CNOT1: variants seen among roughly 807,000 people sequenced by gnomAD.
The protein encoded by CNOT1 is CCR4-NOT transcription complex subunit 1.
Under a neutral mutation model 273.8 loss-of-function variants are expected in CNOT1, and 15 were observed. The observed-to-expected ratio is 0.05, with a 90% CI of 0.04 to 0.08. The LOEUF is 0.08. Among genes scored for constraint, CNOT1 ranks in the 10% least tolerant of loss-of-function variants. The pLI is 1.00. For missense variants in CNOT1, 1,644 were observed against 2,912.2 expected (o/e 0.56, Z 10.02); for synonymous variants, 1,022 against 1,005.5 (o/e 1.02, Z -0.31).
intron 20 of CNOT1, 78 bp from the exon 21 acceptor site, chr16:58,555,615 A>T (rs2040605014): frequency 6.4e-7 from 1 of 1,552,492 alleles, no homozygotes; most frequent in African/African-American, 1.4e-5. Context: ...GCTTAACAAA[A>T]GACTATTAAG....
intron 2 of CNOT1, chr16:58,597,696 G>A: frequency 2.0e-6 from 1 of 505,930 alleles, no homozygotes; most frequent in Non-Finnish European, 4.0e-6. Flanking sequence ...ACATGACTCA[G>A]CCAGGCAAGC....
chr16:58,577,865 G>C (rs1219185043), intron 13 of CNOT1, among the ~76,000 whole-genome samples: 3 of 150,696 alleles, frequency 2.0e-5, no homozygotes, highest in African/African-American at 7.3e-5. Context: ...AAAAAAAGTA[G>C]GGGAGGGAAA....
intron 1 of CNOT1, among the ~76,000 whole-genome samples, chr16:58,609,749 T>C (rs2042824359): frequency 6.6e-6 from 1 of 152,112 alleles, no homozygotes; most frequent in Non-Finnish European, 1.5e-5. Flanking sequence ...AGCCATGAAC[T>C]ATGTGGCCAG....
chr16:58,581,587 A>G (rs2041658036), intron 10 of CNOT1, 72 bp from the exon 11 acceptor site: 3 of 1,464,342 alleles, frequency 2.0e-6, no homozygotes, highest in African/African-American at 1.4e-5. Flanking sequence ...AAAAGGCCAA[A>G]TTAAATCTGA....
intron 4 of CNOT1, 66 bp from the exon 5 acceptor site, chr16:58,587,479 T>C (rs571216932): frequency 1.9e-6 from 3 of 1,600,566 alleles, no homozygotes; most frequent in East Asian, 2.2e-5. Flanking sequence ...TAACAACCTA[T>C]CTGTTTGCCC....
At chr16:58,567,295 G>GT (rs1341984668) in intron 16 of CNOT1, among the ~76,000 whole-genome samples, 3 of 151,996 alleles carry the variant, frequency 2.0e-5, no homozygotes, top group Admixed American at 1.3e-4. Flanking sequence ...TCTAGTCTGG[G>GT]TAATAGAGTG....
At chr16:58,601,258 T>C (rs12232402) in intron 1 of CNOT1, among the ~76,000 whole-genome samples, 114,680 of 152,096 alleles carry the variant, frequency 0.75, 43,649 homozygotes, top group Middle Eastern at 0.86. Context: ...GCCCACATCC[T>C]GGCTAGTTTT....
At chr16:58,524,203 T>C (rs28533067) in intron 46 of CNOT1, among the ~76,000 whole-genome samples, 5,283 of 149,792 alleles carry the variant, frequency 0.035, 303 homozygotes, top group African/African-American at 0.12. Flanking sequence ...TGAGCCGATA[T>C]TGCGCCACTG....
chr16:58,548,596 T>C (rs953892933), intron 25 of CNOT1: 2 of 519,052 alleles, frequency 3.9e-6, no homozygotes, highest in African/African-American at 1.9e-5. Flanking sequence ...TAACCAAGAA[T>C]GGGGAATATT....
At position 58,562,489 on chromosome 16, in the gene CNOT1, A is replaced by G. The variant is rs530671825; in HGVS notation, c.1980-2127T>C. 2.0e-5 allele frequency among the ~76,000 whole-genome samples: 3 copies of G among 150,030 alleles called. No individual in the cohort carries two copies. In the East Asian group the frequency reaches 6.0e-4, roughly 30 times the overall value. The stretch of plus-strand genomic sequence containing the variant: ...AATGCACTCCAGTCTTAGAGAAAGA[A>G]CAAGACCCTGTCTCTAAAAAAAATA... On this transcript the variant is annotated intron_variant, in intron 16 of 48. Coordinates refer to ENST00000317147, the MANE Select transcript of CNOT1 (RefSeq NM_016284.5).
In CNOT1 at chr16:58,615,899, T is replaced by C. The variant is rs919142753; in HGVS notation, c.-175+13829A>G. Among the ~76,000 whole-genome samples the C allele has an allele frequency of 5.1e-5, 6 of 117,490 alleles. 2 individuals carry two copies. The highest frequency in any genetic ancestry group is 1.4e-4 in the African/African-American group (5 of 34,916). The allele number at this position is 117,490 out of a possible 152,430, so 77.1% of individuals were successfully genotyped here. On this transcript the variant is annotated intron_variant, in intron 1 of 48. Coordinates refer to ENST00000317147, the MANE Select transcript of CNOT1 (RefSeq NM_016284.5). ...GAGTTCAAGACCAGCCTAGGCAACA[T>C]AGAATAACCCCATCTCTACTTTTTT...
chr16:58,532,508 T>G (rs778598528), intron 40 of CNOT1, 113 bp from the exon 41 acceptor site: 60 of 1,458,438 alleles, frequency 4.1e-5, no homozygotes, highest in Non-Finnish European at 5.2e-5. Flanking sequence ...GGAAAGCATA[T>G]ATACAATTTG....
Position 58,537,840 on chromosome 16 carries a change from A to G in CNOT1, c.5414+51T>C, listed in dbSNP as rs2151911479. ...TAAGTCTGCATATTCATTCCTAAAG[A>G]TATTAGAAGACTACTAAATGCACAG... On this transcript the variant is annotated intron_variant, in intron 38 of 48. Coordinates refer to ENST00000317147, the MANE Select transcript of CNOT1 (RefSeq NM_016284.5). The G allele has an allele frequency of 3.1e-6, 5 of 1,603,782 alleles. No homozygotes were observed. In the South Asian group the frequency reaches 5.5e-5, roughly 18 times the overall value.
At chr16:58,579,812 G>A (rs905751495) in intron 12 of CNOT1, among the ~76,000 whole-genome samples, 1 of 152,102 alleles carries the variant, frequency 6.6e-6, no homozygotes, top group Non-Finnish European at 1.5e-5. Context: ...GGAATGACGG[G>A]ACAGAGTTCC....
In CNOT1 at chr16:58,578,947, G is replaced by C. The variant is rs2041558960; in HGVS notation, c.1344-8C>G. 1 of 1,611,600 alleles carries C rather than the reference G, an allele frequency of 6.2e-7. No homozygotes were observed. Among genetic ancestry groups the C allele is most frequent in the South Asian group, 1.1e-5 (1 of 90,990 alleles). Reference sequence around the variant, plus strand: ...ATCAAATCCAAGCTCTTCCTAACGAGAAAGGAAGAAACATGCTTTATCAAT... The same window carrying C: ...ATCAAATCCAAGCTCTTCCTAACGACAAAGGAAGAAACATGCTTTATCAAT... On this transcript the variant is annotated splice_polypyrimidine_tract_variant and splice_region_variant and intron_variant, in intron 12 of 48. Transcript: ENST00000317147.
Position 58,555,525 on chromosome 16 carries a change from G to A in CNOT1, c.2617C>T (p.Leu873=), listed in dbSNP as rs2040600344. ...TMSVDEVLEM[L]QRFKDSTIKR... is the part of the protein sequence containing the mutation. ...ATAGTAGAGTCTTTAAATCTCTGCAGCATTTCTAATACCTGGAAAAGCAAG... is the reference window on the plus strand; with the variant it reads ...ATAGTAGAGTCTTTAAATCTCTGCAACATTTCTAATACCTGGAAAAGCAAG... The change falls in exon 21 of 49, where the codon CTG becomes TTG. Residue 873 remains leucine, a synonymous_variant. Transcript: ENST00000317147. 2 of 1,612,434 alleles carry A rather than the reference G, an allele frequency of 1.2e-6. No homozygotes were observed. The highest frequency in any genetic ancestry group is 2.7e-5 in the African/African-American group (2 of 74,782).
chr16:58,616,663 T>G (rs1449599545), intron 1 of CNOT1, among the ~76,000 whole-genome samples: 4 of 152,168 alleles, frequency 2.6e-5, no homozygotes, highest in African/African-American at 9.7e-5. Flanking sequence ...ATAATCTTAT[T>G]TCAGGTTGGT....
chr16:58,525,943 G>A, intron 45 of CNOT1, 46 bp downstream of exon 45: 1 of 1,550,894 alleles, frequency 6.4e-7, no homozygotes, highest in Middle Eastern at 1.7e-4. Flanking sequence ...CATAGAAAGT[G>A]CTTTATATGG....
chr16:58,614,110 A>AG (rs2152038034), intron 1 of CNOT1, among the ~76,000 whole-genome samples: 1 of 121,288 alleles, frequency 8.2e-6, no homozygotes, highest in Admixed American at 8.2e-5. Context: ...AAAAAAAGAA[A>AG]AGAAAATTAC....
Sources: allele counts gnomAD v4.1 joint callset (sites outside exome capture counted in the v4.1 genomes callset), GRCh38; gene constraint gnomAD v4.1.1; transcripts MANE v1.5; gene names NCBI Gene and HGNC (gene_info 2026-07-23, HGNC 2026-07-21).